The following LRP1B variants were observed in gnomAD, a reference collection of about 807,000 sequenced individuals.
LRP1B encodes the protein LDL receptor related protein 1B.
Under a neutral mutation model 556.6 loss-of-function variants are expected in LRP1B, and 217 were observed. The ratio of observed to expected loss-of-function variants is 0.39; its 90% CI spans 0.35 to 0.44. The LOEUF (loss-of-function observed/expected upper bound fraction) is 0.44. LRP1B is among the 20% of genes least tolerant of loss of function. The pLI is 1.00. For synonymous variants in LRP1B, 2,047 were observed against 1,865.8 expected, an observed-to-expected ratio of 1.10 and a Z score of -2.50; for missense variants, 5,053 against 5,620.8, an observed-to-expected ratio of 0.90 and a Z score of 3.23.
chr2:141,621,915 T>C (rs1377299579), intron 2 of LRP1B, among the ~76,000 whole-genome samples: 1 of 152,132 alleles, frequency 6.6e-6, no homozygotes, highest in Non-Finnish European at 1.5e-5. Flanking sequence ...TTTTGAGATG[T>C]TGCTTTGATC....
rs1700513023 is a variant in LRP1B at position 141,103,347 on chromosome 2, T to C, written c.1014-41074A>G. 2.0e-5 allele frequency among the ~76,000 whole-genome samples: 3 copies of C among 152,224 alleles called. No homozygotes were observed. The South Asian group carries it at 6.2e-4, about 32-fold the overall frequency. On this transcript the variant is annotated intron_variant, in intron 7 of 90. Transcript: ENST00000389484. ...TTGGTTGTCAATAAAAGGGGAATTA[T>C]TTAAAAGACTTGTTTTACGCAGTGT...
intron 1 of LRP1B, among the ~76,000 whole-genome samples, chr2:141,923,555 T>C (rs1351477691): frequency 6.7e-6 from 1 of 150,010 alleles, no homozygotes; most frequent in Non-Finnish European, 1.5e-5. Context: ...TTCAGTTTTT[T>C]CTTACCAAAG....
chr2:140,492,642 C>G lies in LRP1B; in HGVS notation c.9086G>C (p.Ser3029Thr), dbSNP rs771841870. ...AAGTGTGTAGTTGGAGCCATCAGTG[C>G]TAATTTTCCTTATCTCATGATGATC... The part of the protein sequence containing the change: ...LADHHEIRKI[S>T]TDGSNYTLLK... The change falls in exon 57 of 91, where the codon AGC becomes ACC. Residue 3029 changes from serine to threonine, a missense_variant. Around this residue, in one of 5 missense-constraint regions of LRP1B, gnomAD observed 3,619 missense variants for 3,931.9 expected, o/e 0.92. Transcript: ENST00000389484. 6.2e-7 allele frequency: 1 copy of G among 1,613,690 alleles called. No individual in the cohort carries two copies. The highest frequency in any genetic ancestry group is 8.5e-7 in the Non-Finnish European group (1 of 1,179,724).
intron 2 of LRP1B, among the ~76,000 whole-genome samples, chr2:141,546,772 A>T (rs1296544779): frequency 6.6e-6 from 1 of 152,192 alleles, no homozygotes; most frequent in Non-Finnish European, 1.5e-5. Flanking sequence ...CATCTTCAGC[A>T]TCTGACACTG....
At chr2:141,253,943 T>C (rs947989748) in intron 4 of LRP1B, among the ~76,000 whole-genome samples, 5 of 152,030 alleles carry the variant, frequency 3.3e-5, no homozygotes, top group African/African-American at 9.7e-5. Flanking sequence ...ATATGTATAA[T>C]TGGAATCAAG....
chr2:141,943,201 T>C (rs1195367012), intron 1 of LRP1B, among the ~76,000 whole-genome samples: 1 of 152,206 alleles, frequency 6.6e-6, no homozygotes, highest in African/African-American at 2.4e-5. Flanking sequence ...GAGGCAATCA[T>C]TTAAAAATAG....
chr2:140,243,003 G>A (rs1034657798), intron 87 of LRP1B, among the ~76,000 whole-genome samples: 1 of 151,030 alleles, frequency 6.6e-6, no homozygotes, highest in Non-Finnish European at 1.5e-5. Flanking sequence ...AGGTGGATTG[G>A]CTCAAGTCTC....
At chr2:142,120,630 G>A (rs541935072) in intron 1 of LRP1B, among the ~76,000 whole-genome samples, 31 of 152,248 alleles carry the variant, frequency 2.0e-4, no homozygotes, top group African/African-American at 7.5e-4. Flanking sequence ...ACCCAAATAA[G>A]TCTTCATAGG....
intron 7 of LRP1B, among the ~76,000 whole-genome samples, chr2:141,135,730 C>A (rs1312244826): frequency 2.0e-5 from 3 of 151,866 alleles, no homozygotes; most frequent in Non-Finnish European, 4.4e-5. Context: ...ATATTGGACC[C>A]CTTTGAATTT....
At chr2:140,313,203 A>G (rs987892289) in intron 83 of LRP1B, among the ~76,000 whole-genome samples, 1 of 151,942 alleles carries the variant, frequency 6.6e-6, no homozygotes, top group Non-Finnish European at 1.5e-5. Context: ...AATAAACTGC[A>G]TGTCTGTATC....
chr2:141,592,505 G>T (rs1254176435), intron 2 of LRP1B, among the ~76,000 whole-genome samples: 2 of 152,168 alleles, frequency 1.3e-5, no homozygotes, highest in African/African-American at 2.4e-5. Context: ...CCCATATGAT[G>T]ATGGTATCTT....
chr2:141,544,414 TCTC>T (rs1685477862), intron 2 of LRP1B, among the ~76,000 whole-genome samples: 1 of 90,636 alleles, frequency 1.1e-5, no homozygotes. Context: ...TCCTCCTCCT[TCTC>T]CTCCTTCTCC....
chr2:141,930,170 A>G (rs1041447609), intron 1 of LRP1B, among the ~76,000 whole-genome samples: 1 of 152,014 alleles, frequency 6.6e-6, no homozygotes, highest in Admixed American at 6.6e-5. Flanking sequence ...TTAGGAATGT[A>G]AAATGCTGAA....
chr2:140,827,085 CA>C (rs1691535205), intron 31 of LRP1B, among the ~76,000 whole-genome samples: 1 of 151,888 alleles, frequency 6.6e-6, no homozygotes, highest in Non-Finnish European at 1.5e-5. Context: ...TAATGCCCCC[CA>C]AAAAAGCCAT....
intron 6 of LRP1B, among the ~76,000 whole-genome samples, chr2:141,221,294 A>T (rs1414552637): frequency 4.9e-5 from 7 of 143,738 alleles, no homozygotes; most frequent in African/African-American, 1.8e-4. Context: ...AAGATAAAAA[A>T]AAAAAAAAAA....
intron 15 of LRP1B, among the ~76,000 whole-genome samples, chr2:141,003,145 AACAG>A (rs1334725485): frequency 4.6e-5 from 7 of 152,086 alleles, no homozygotes; most frequent in African/African-American, 1.4e-4. Context: ...TGGTAACAGA[AACAG>A]ACAATTACCT....
At chr2:141,943,032 T>C (rs1309681084) in intron 1 of LRP1B, among the ~76,000 whole-genome samples, 1 of 152,226 alleles carries the variant, frequency 6.6e-6, no homozygotes, top group Non-Finnish European at 1.5e-5. Context: ...TAGAAACTAA[T>C]GATATAATAA....
At chr2:141,966,577 GA>G (rs1476145286) in intron 1 of LRP1B, among the ~76,000 whole-genome samples, 3 of 151,496 alleles carry the variant, frequency 2.0e-5, no homozygotes, top group Non-Finnish European at 4.4e-5. Context: ...CTCAACATAA[GA>G]TTTTTTTTTC....
At chr2:141,437,119 G>T in intron 3 of LRP1B, among the ~76,000 whole-genome samples, 1 of 151,940 alleles carries the variant, frequency 6.6e-6, no homozygotes, top group East Asian at 1.9e-4. Flanking sequence ...TTTCTCCCCT[G>T]GCTAAGCATA....
Sources: allele counts gnomAD v4.1 joint callset (sites outside exome capture counted in the v4.1 genomes callset), GRCh38; gene constraint gnomAD v4.1.1; regional missense constraint gnomAD v4.1.1; transcripts MANE v1.5; gene names NCBI Gene and HGNC (gene_info 2026-07-23, HGNC 2026-07-21).